Variants in KIRREL1 observed in about 807,000 individuals in gnomAD.
KIRREL1 encodes kirre like nephrin family adhesion molecule 1.
In KIRREL1, 25 loss-of-function variants were observed where a neutral mutation model predicts 83.3. That is an observed-to-expected ratio of 0.30 (90% confidence interval 0.22 to 0.42). The LOEUF is 0.42. Among genes scored for constraint, KIRREL1 ranks in the 10% least tolerant of loss-of-function variants. The pLI is 1.00. For missense variants in KIRREL1, 812 were observed against 1,032.3 expected, an observed-to-expected ratio of 0.79 and a Z score of 2.92; for synonymous variants, 388 against 410.4, an observed-to-expected ratio of 0.95 and a Z score of 0.66.
At chr1:158,067,644 C>T (rs1025825017) in intron 1 of KIRREL1, among the ~76,000 whole-genome samples, 2 of 152,242 alleles carry the variant, frequency 1.3e-5, no homozygotes, top group African/African-American at 2.4e-5. Context: ...CCAAGTCACA[C>T]AGCAGGTTGG....
chr1:158,089,471 C>T (rs774262949), intron 8 of KIRREL1, 31 bp from the exon 9 acceptor site: 8 of 1,613,090 alleles, frequency 5.0e-6, no homozygotes. Flanking sequence ...GGCCTCCTGG[C>T]TCCCCACCCG....
intron 11 of KIRREL1, 85 bp downstream of exon 11, chr1:158,091,641 T>A: frequency 7.6e-7 from 1 of 1,308,054 alleles, no homozygotes; most frequent in Non-Finnish European, 1.1e-6. Flanking sequence ...AGGGCTCAGC[T>A]GCTCCCCTTC....
chr1:158,017,940 A>G (rs1014758521), intron 1 of KIRREL1, among the ~76,000 whole-genome samples: 7 of 152,218 alleles, frequency 4.6e-5, no homozygotes, highest in African/African-American at 1.7e-4. Context: ...ATCAGGGTCA[A>G]AAACCTGACA....
chr1:158,076,287 C>T, intron 2 of KIRREL1, 25 bp downstream of exon 2: 1 of 1,609,150 alleles, frequency 6.2e-7, no homozygotes, highest in Non-Finnish European at 8.5e-7. Flanking sequence ...ACCCAACGTC[C>T]AAACTGTCCC....
At chr1:158,056,701 C>T (rs1007209541) in intron 1 of KIRREL1, among the ~76,000 whole-genome samples, 24 of 152,176 alleles carry the variant, frequency 1.6e-4, no homozygotes, top group Admixed American at 5.9e-4. Context: ...TCCAGCCGGG[C>T]GGCTGTGAAA....
At chr1:158,017,993 G>A (rs1659881913) in intron 1 of KIRREL1, among the ~76,000 whole-genome samples, 1 of 152,006 alleles carries the variant, frequency 6.6e-6, no homozygotes, top group Admixed American at 6.5e-5. Flanking sequence ...GAGGAGGAGG[G>A]AACTGGCAAC....
chr1:158,087,386 G>A (rs1156560355), intron 5 of KIRREL1, among the ~76,000 whole-genome samples: 1 of 152,064 alleles, frequency 6.6e-6, no homozygotes, highest in Non-Finnish European at 1.5e-5. Flanking sequence ...TTCTTACCTG[G>A]TAGGTGTGTA....
chr1:158,090,193 T>C (rs1035169020), intron 10 of KIRREL1, among the ~76,000 whole-genome samples: 4 of 152,024 alleles, frequency 2.6e-5, no homozygotes, highest in Non-Finnish European at 2.9e-5. Context: ...CCCTCTTTTC[T>C]CCCTCATCTG....
chr1:157,998,190 C>T (rs956266635), intron 1 of KIRREL1, among the ~76,000 whole-genome samples: 3 of 152,150 alleles, frequency 2.0e-5, no homozygotes, highest in Admixed American at 1.3e-4. Flanking sequence ...GGTTTAGATA[C>T]ATTAAGTATC....
chr1:158,020,338 G>T (rs1408083944), intron 1 of KIRREL1, among the ~76,000 whole-genome samples: 2 of 151,982 alleles, frequency 1.3e-5, no homozygotes, highest in African/African-American at 4.8e-5. Flanking sequence ...CCTTCAAGAT[G>T]CACCCCCCAT....
chr1:158,082,826 C>T (rs1442114631), intron 3 of KIRREL1, among the ~76,000 whole-genome samples: 1 of 152,148 alleles, frequency 6.6e-6, no homozygotes, highest in Non-Finnish European at 1.5e-5. Flanking sequence ...ATTAGCCAAG[C>T]ATGATGGTGT....
At chr1:158,085,925 G>A (rs1169344971) in intron 4 of KIRREL1, among the ~76,000 whole-genome samples, 1 of 152,154 alleles carries the variant, frequency 6.6e-6, no homozygotes, top group East Asian at 1.9e-4. Context: ...AGCAAGGTTG[G>A]ATGTGTCTAG....
In KIRREL1 at chr1:158,093,329, C is replaced by T. The variant is rs1662254662; in HGVS notation, c.1472-10C>T. The T allele has an allele frequency of 1.2e-6, 2 of 1,610,178 alleles. No individual in the cohort carries two copies. Among genetic ancestry groups the T allele is most frequent in the South Asian group, 1.1e-5 (1 of 91,004 alleles). ...GCCTCACCCCTCCACCTTTCCTTCCCCATCGAAAGAGGTGTTACCTGTGGG... is the reference window on the plus strand; with the variant it reads ...GCCTCACCCCTCCACCTTTCCTTCCTCATCGAAAGAGGTGTTACCTGTGGG... On this transcript the variant is annotated splice_polypyrimidine_tract_variant and intron_variant, in intron 11 of 14. Coordinates refer to ENST00000359209, the MANE Select transcript of KIRREL1 (RefSeq NM_018240.7).
intron 1 of KIRREL1, among the ~76,000 whole-genome samples, chr1:158,019,312 A>G (rs1301300503): frequency 3.3e-5 from 5 of 152,196 alleles, no homozygotes; most frequent in African/African-American, 9.7e-5. Flanking sequence ...AAAAAAAGGC[A>G]TTGAATTATT....
intron 1 of KIRREL1, among the ~76,000 whole-genome samples, chr1:157,993,965 C>T (rs1659118609): frequency 6.6e-6 from 1 of 152,150 alleles, no homozygotes; most frequent in Admixed American, 6.5e-5. Context: ...TCTGGCTGCG[C>T]GGGAGAACCG....
chr1:157,999,869 G>A (rs752090882), intron 1 of KIRREL1, among the ~76,000 whole-genome samples: 4 of 152,160 alleles, frequency 2.6e-5, no homozygotes, highest in South Asian at 2.1e-4. Flanking sequence ...GGAGAAATCC[G>A]TTCACTTTTG....
intron 1 of KIRREL1, among the ~76,000 whole-genome samples, chr1:158,011,238 T>C (rs1476871952): frequency 6.6e-6 from 1 of 152,214 alleles, no homozygotes; most frequent in Non-Finnish European, 1.5e-5. Flanking sequence ...GACCTTTCAG[T>C]TTTCCAACCG....
At chr1:158,029,286 G>C (rs896645656) in intron 1 of KIRREL1, among the ~76,000 whole-genome samples, 1 of 151,754 alleles carries the variant, frequency 6.6e-6, no homozygotes, top group East Asian at 1.9e-4. Context: ...ACCACAGAGT[G>C]CATCTTCAAT....
chr1:158,013,685 A>T (rs1175041074), intron 1 of KIRREL1, among the ~76,000 whole-genome samples: 3 of 152,246 alleles, frequency 2.0e-5, no homozygotes, highest in Non-Finnish European at 2.9e-5. Flanking sequence ...GTTCCACCTT[A>T]GTCCCCTGCC....
Sources: allele counts gnomAD v4.1 joint callset (sites outside exome capture counted in the v4.1 genomes callset), GRCh38; gene constraint gnomAD v4.1.1; transcripts MANE v1.5; gene names NCBI Gene and HGNC (gene_info 2026-07-23, HGNC 2026-07-21).